Variants in TENM3 observed in about 807,000 individuals in gnomAD.
TENM3 encodes the protein teneurin-3.
A neutral mutation model predicts 255.1 loss-of-function variants in TENM3; 63 were observed. That is an observed-to-expected ratio of 0.25 (90% CI 0.20 to 0.30). The LOEUF is 0.30. Ranked by LOEUF, TENM3 falls within the 10% of genes least tolerant of loss-of-function variation. The pLI is 1.00. For synonymous variants in TENM3, 1,306 were observed against 1,322.3 expected (o/e 0.99, Z 0.27); for missense variants, 2,929 against 3,461.1 (o/e 0.85, Z 3.86).
At chr4:182,399,039 G>A (rs1053213145) in intron 3 of TENM3, among the ~76,000 whole-genome samples, 5 of 152,110 alleles carry the variant, frequency 3.3e-5, no homozygotes, top group Non-Finnish European at 2.9e-5. Flanking sequence ...ATAAGTCTGG[G>A]CTCTGTCGGG....
chr4:182,651,119 A>G (rs1439736409), intron 5 of TENM3, among the ~76,000 whole-genome samples: 1 of 151,992 alleles, frequency 6.6e-6, no homozygotes, highest in Non-Finnish European at 1.5e-5. Flanking sequence ...AATGATGACA[A>G]ATTATTTTGT....
intron 4 of TENM3, among the ~76,000 whole-genome samples, chr4:182,607,200 T>TA (rs1291355791): frequency 6.6e-6 from 1 of 152,192 alleles, no homozygotes; most frequent in East Asian, 1.9e-4. Flanking sequence ...CCTCATTGGT[T>TA]AATACCTTTC....
At chr4:182,153,938 G>A (rs764390985) in intron 1 of TENM3, among the ~76,000 whole-genome samples, 3 of 151,902 alleles carry the variant, frequency 2.0e-5, no homozygotes, top group Non-Finnish European at 4.4e-5. Flanking sequence ...TAAATGTTGA[G>A]GAAAGTGAAG....
intron 12 of TENM3, among the ~76,000 whole-genome samples, chr4:182,709,018 T>G (rs1429817919): frequency 1.3e-5 from 2 of 152,160 alleles, no homozygotes; most frequent in African/African-American, 2.4e-5. Flanking sequence ...AGTCTCACTT[T>G]GTTTCCCAGG....
the TENM3 span, among the ~76,000 whole-genome samples, chr4:181,654,386 G>T: frequency 6.6e-6 from 1 of 152,128 alleles, no homozygotes; most frequent in Non-Finnish European, 1.5e-5. Flanking sequence ...TCCAGGATGT[G>T]AAAAGGATAT....
At chr4:181,995,673 A>C in the TENM3 span, among the ~76,000 whole-genome samples, 4 of 152,150 alleles carry the variant, frequency 2.6e-5, no homozygotes, top group Middle Eastern at 3.2e-3. Context: ...TGTGTGTGTA[A>C]GTTATTTTAA....
chr4:182,078,962 G>T, the TENM3 span, among the ~76,000 whole-genome samples: 435 of 152,240 alleles, frequency 2.9e-3, no homozygotes, highest in Non-Finnish European at 4.9e-3. Flanking sequence ...AGTATTTTGA[G>T]AGCTGGTCTT....
intron 3 of TENM3, chr4:182,449,087 G>T (rs531465818): frequency 3.6e-4 from 75 of 208,722 alleles, no homozygotes; most frequent in African/African-American, 3.0e-3. Context: ...CGGCAAGGTG[G>T]GTGAGCGGCG....
the TENM3 span, among the ~76,000 whole-genome samples, chr4:182,122,313 C>A: frequency 7.2e-5 from 11 of 152,274 alleles, no homozygotes; most frequent in South Asian, 2.1e-4. Flanking sequence ...GAATGGCAAA[C>A]CTTTTCCAGA....
the TENM3 span, among the ~76,000 whole-genome samples, chr4:181,697,704 T>C: frequency 3.2e-4 from 48 of 152,214 alleles, no homozygotes; most frequent in Non-Finnish European, 5.7e-4. Context: ...TTTCCTAGCT[T>C]TATAATGTTG....
the TENM3 span, among the ~76,000 whole-genome samples, chr4:181,596,571 C>T: frequency 2.6e-5 from 4 of 152,066 alleles, no homozygotes; most frequent in South Asian, 8.3e-4. Context: ...GACCCTGATC[C>T]CAATTAAAGT....
chr4:181,759,724 A>ATG, the TENM3 span, among the ~76,000 whole-genome samples: 12,649 of 146,532 alleles, frequency 0.086, 968 homozygotes, highest in African/African-American at 0.21. Context: ...CAATCAACAG[A>ATG]TGTGTGTGTG....
intron 1 of TENM3, among the ~76,000 whole-genome samples, chr4:182,213,992 G>A (rs1182101958): frequency 6.6e-6 from 1 of 152,028 alleles, no homozygotes; most frequent in Non-Finnish European, 1.5e-5. Context: ...TAGTAGAGAC[G>A]GGGTTTCACT....
the TENM3 span, among the ~76,000 whole-genome samples, chr4:181,790,085 G>A: frequency 6.6e-6 from 1 of 152,142 alleles, no homozygotes. Context: ...GAAGTAGAGT[G>A]CAGTCTTGTG....
chr4:182,081,381 C>G, the TENM3 span, among the ~76,000 whole-genome samples: 1 of 151,750 alleles, frequency 6.6e-6, no homozygotes, highest in Admixed American at 6.6e-5. Context: ...GTCAGGAGTT[C>G]GAGACCAGCC....
chr4:182,300,782 T>A (rs1213949827), intron 1 of TENM3, among the ~76,000 whole-genome samples: 7 of 152,138 alleles, frequency 4.6e-5, no homozygotes, highest in African/African-American at 1.7e-4. Flanking sequence ...ATCCACAGGC[T>A]CCCTAGACTT....
chr4:182,325,441 C>G (rs1173946614), intron 2 of TENM3, among the ~76,000 whole-genome samples: 5 of 152,128 alleles, frequency 3.3e-5, no homozygotes, highest in Non-Finnish European at 1.5e-5. Context: ...TAAAGCATGC[C>G]TTACTAATTA....
At chr4:181,806,945 C>T in the TENM3 span, among the ~76,000 whole-genome samples, 1 of 152,146 alleles carries the variant, frequency 6.6e-6, no homozygotes, top group African/African-American at 2.4e-5. Flanking sequence ...CTGTATCTGT[C>T]TCGCCCATCA....
the TENM3 span, among the ~76,000 whole-genome samples, chr4:181,983,162 G>A: frequency 3.9e-5 from 6 of 152,162 alleles, no homozygotes; most frequent in Admixed American, 1.3e-4. Context: ...GCAGCAGTAC[G>A]TGTGTTCAGG....
Sources: gnomAD v4.1 joint callset for allele counts (sites outside exome capture counted in the v4.1 genomes callset) on GRCh38, gnomAD v4.1.1 for gene constraint, MANE v1.5 for transcripts, NCBI Gene and HGNC (gene_info 2026-07-23, HGNC 2026-07-21) for gene names.